ITGA11: variants seen among roughly 807,000 people sequenced by gnomAD.
ITGA11 encodes the protein integrin subunit alpha 11, also known as integrin alpha-11.
ITGA11 carries 97 observed loss-of-function variants against 141.9 expected under a neutral mutation model. The observed-to-expected ratio is 0.68, with a 90% confidence interval of 0.58 to 0.81. The LOEUF (loss-of-function observed/expected upper bound fraction) is 0.81. ITGA11 is among the 30% of genes least tolerant of loss of function. The probability of loss-of-function intolerance (pLI) is 0.00; values close to 1 mark genes in which losing one functional copy is unlikely to be tolerated. For missense variants in ITGA11, 1,387 were observed against 1,559.2 expected, an observed-to-expected ratio of 0.89 and a Z score of 1.86; for synonymous variants, 658 against 624.6, an observed-to-expected ratio of 1.05 and a Z score of -0.80.
intron 26 of ITGA11, among the ~76,000 whole-genome samples, chr15:68,310,180 T>A (rs1358223289): frequency 6.6e-6 from 1 of 152,216 alleles, no homozygotes; most frequent in Non-Finnish European, 1.5e-5. Context: ...AGGTCTTAGT[T>A]AGAGTAATAC....
chr15:68,397,782 T>G lies in ITGA11; in HGVS notation c.164+5136A>C, dbSNP rs910039053. Among the ~76,000 whole-genome samples the G allele has an allele frequency of 4.4e-3, 501 of 114,034 alleles. 36 individuals carry two copies. Among genetic ancestry groups the G allele is most frequent in the African/African-American group, 0.018 (489 of 26,586 alleles). The allele number at this position is 114,034 out of a possible 152,430, so 74.8% of individuals were successfully genotyped here. Reference sequence around the variant, plus strand: ...TTAAAATATTATATTTAAAATATATTTAAAATAATATAAAATTATTAATAA... The same window carrying G: ...TTAAAATATTATATTTAAAATATATGTAAAATAATATAAAATTATTAATAA... On this transcript the variant is annotated intron_variant, in intron 2 of 29. Coordinates refer to ENST00000315757, the MANE Select transcript of ITGA11 (RefSeq NM_001004439.2).
At chr15:68,401,824 T>C (rs1896518288) in intron 2 of ITGA11, among the ~76,000 whole-genome samples, 1 of 152,166 alleles carries the variant, frequency 6.6e-6, no homozygotes, top group African/African-American at 2.4e-5. Context: ...GCCTATACTT[T>C]GTTGTATGTA....
Position 68,357,303 on chromosome 15 carries a change from C to T in ITGA11, c.601-4G>A. 1 of 1,610,442 alleles carries T rather than the reference C, an allele frequency of 6.2e-7. No individual in the cohort carries two copies. The highest frequency in any genetic ancestry group is 8.5e-7 in the Non-Finnish European group (1 of 1,178,678). On this transcript the variant is annotated splice_region_variant and splice_polypyrimidine_tract_variant and intron_variant, in intron 6 of 29. Coordinates refer to ENST00000315757, the MANE Select transcript of ITGA11 (RefSeq NM_001004439.2). ...CGCCATACTGCACAACTCCAACCTG[C>T]AAGGGAGAGGAGAGGGCAACAGAAC...
intron 1 of ITGA11, among the ~76,000 whole-genome samples, chr15:68,424,365 C>T (rs74022222): frequency 0.041 from 6,228 of 152,118 alleles, 432 homozygotes; most frequent in African/African-American, 0.14. Context: ...AAGTCATTTT[C>T]CTTCCCTGGA....
At chr15:68,358,142 C>T (rs1377080717) in intron 6 of ITGA11, among the ~76,000 whole-genome samples, 2 of 152,190 alleles carry the variant, frequency 1.3e-5, no homozygotes, top group Non-Finnish European at 2.9e-5. Flanking sequence ...TCCCCTGTGC[C>T]CCACTCGACA....
At position 68,351,126 on chromosome 15, in the gene ITGA11, T is replaced by C; in HGVS notation, c.894+132A>G. 3 of 946,560 alleles carry C rather than the reference T, an allele frequency of 3.2e-6. No individual in the cohort carries two copies. The South Asian group carries it at 5.2e-5, about 16-fold the overall frequency. 58.6% of individuals were successfully genotyped at this position (946,560 alleles called of 1,614,324 possible). ...GATCCTCAACTTGTTGTTCAGAAGA[T>C]GAAATGGGAGGCTTTTTTGAGGGCC... On this transcript the variant is annotated intron_variant, in intron 8 of 29. Coordinates refer to ENST00000315757, the MANE Select transcript of ITGA11 (RefSeq NM_001004439.2).
chr15:68,331,163 G>T, intron 14 of ITGA11, 52 bp from the exon 15 acceptor site: 1 of 1,508,908 alleles, frequency 6.6e-7, no homozygotes, highest in South Asian at 1.2e-5. Flanking sequence ...GAGTGTGGGG[G>T]CGGGCGTCCC....
At chr15:68,354,582 C>T (rs574304260) in intron 7 of ITGA11, among the ~76,000 whole-genome samples, 3 of 152,348 alleles carry the variant, frequency 2.0e-5, no homozygotes, top group African/African-American at 7.2e-5. Flanking sequence ...TTTCCCTCTC[C>T]TCTGCTGTTC....
chr15:68,318,420 T>C (rs925764104), intron 20 of ITGA11, among the ~76,000 whole-genome samples: 1 of 152,150 alleles, frequency 6.6e-6, no homozygotes, highest in Non-Finnish European at 1.5e-5. Context: ...TCCGTATACC[T>C]GAAATCCAGA....
chr15:68,307,749 G>GCTGCCCCCT lies in ITGA11; in HGVS notation c.3175-54_3175-53insAGGGGGCAG. 1 of 1,270,394 alleles carries GCTGCCCCCT rather than the reference G, an allele frequency of 7.9e-7. No homozygotes were observed. The highest frequency in any genetic ancestry group is 1.1e-6 in the Non-Finnish European group (1 of 876,622). 78.7% of individuals were successfully genotyped at this position (1,270,394 alleles called of 1,614,324 possible). The stretch of plus-strand genomic sequence containing the variant: ...GAGCTGCTGGGCTAGGGGAGCAGGG[G>GCTGCCCCCT]GCAGCAACACTGCTTGAACGACTGG... On this transcript the variant is annotated intron_variant, in intron 26 of 29. Coordinates refer to ENST00000315757, the MANE Select transcript of ITGA11 (RefSeq NM_001004439.2). This position sits in a 1 kb window ranked among gnomAD's most constrained non-coding sequence, Gnocchi z 6.1.
In ITGA11 at chr15:68,326,605, G is replaced by C; in HGVS notation, c.2211+49C>G. 6.5e-7 allele frequency: 1 copy of C among 1,530,170 alleles called. No homozygotes were observed. Among genetic ancestry groups the C allele is most frequent in the Non-Finnish European group, 8.8e-7 (1 of 1,133,980 alleles). The allele number at this position is 1,530,170 out of a possible 1,614,324, so 94.8% of individuals were successfully genotyped here. ...ACTCTCTGCCTCTCCCACGGCAGAT[G>C]CTCCTTCCTATAGGAGCTTGGGCTC... On this transcript the variant is annotated intron_variant, in intron 17 of 29. Transcript: ENST00000315757. This position sits in a 1 kb window ranked among gnomAD's most constrained non-coding sequence, Gnocchi z 6.8.
intron 3 of ITGA11, 84 bp downstream of exon 3, chr15:68,369,100 C>A (rs1309268433): frequency 2.2e-6 from 2 of 928,326 alleles, no homozygotes; most frequent in Non-Finnish European, 3.5e-6. Flanking sequence ...GTCAGTGTGA[C>A]CATGGACATG....
intron 24 of ITGA11, 94 bp from the exon 25 acceptor site, chr15:68,311,497 T>C (rs1340369208): frequency 1.2e-6 from 1 of 818,324 alleles, no homozygotes; most frequent in Middle Eastern, 3.3e-4. Flanking sequence ...GGGTGGCAAT[T>C]CCCCCATCAG....
chr15:68,366,457 G>C (rs974561722), intron 3 of ITGA11, among the ~76,000 whole-genome samples: 11 of 152,152 alleles, frequency 7.2e-5, no homozygotes, highest in Non-Finnish European at 1.6e-4. Flanking sequence ...GTGGGAACTA[G>C]AGGGGCGGCT....
chr15:68,317,248 T>C lies in ITGA11; in HGVS notation c.2715+17A>G. ...GTGCCCACCCTGACCCTCCCCCACATTGTCCCCAGTCTCAACCTTGGCCTT... is the reference window on the plus strand; with the variant it reads ...GTGCCCACCCTGACCCTCCCCCACACTGTCCCCAGTCTCAACCTTGGCCTT... On this transcript the variant is annotated intron_variant, in intron 21 of 29. Coordinates refer to ENST00000315757, the MANE Select transcript of ITGA11 (RefSeq NM_001004439.2). 1 of 1,061,112 alleles carries C rather than the reference T, an allele frequency of 9.4e-7. No homozygotes were observed. Among genetic ancestry groups the C allele is most frequent in the Non-Finnish European group, 1.4e-6 (1 of 719,086 alleles). 65.7% of individuals were successfully genotyped at this position (1,061,112 alleles called of 1,614,324 possible).
rs898588 is a variant in ITGA11 at position 68,325,439 on chromosome 15, C to T, written c.2212-198G>A. ...GAAGAGTGTGCTTCTGTGAAAGGAG[C>T]TCCAAGCTCAGCTCATGCCAACCTA... On this transcript the variant is annotated intron_variant, in intron 17 of 29. Transcript: ENST00000315757. The surrounding 1 kb of genome is among the most constrained non-coding windows in gnomAD (Gnocchi z 5.5). 6.6e-6 allele frequency among the ~76,000 whole-genome samples: 1 copy of T among 152,142 alleles called. No individual in the cohort carries two copies. Among genetic ancestry groups the T allele is most frequent in the Admixed American group, 6.5e-5 (1 of 15,290 alleles).
chr15:68,386,475 C>T (rs1001313353), intron 2 of ITGA11, among the ~76,000 whole-genome samples: 2 of 152,162 alleles, frequency 1.3e-5, no homozygotes, highest in South Asian at 2.1e-4. Context: ...GGGAAGGCTG[C>T]CCAGGACCCT....
chr15:68,297,433 T>C lies in ITGA11; in HGVS notation c.*5626A>G, dbSNP rs77534525. On this transcript the variant is annotated 3_prime_UTR_variant, in exon 30 of 30. Coordinates refer to ENST00000315757, the MANE Select transcript of ITGA11 (RefSeq NM_001004439.2). ...TCTGTACAGTTCTGCACTTCTGAGC[T>C]TTTTTTTTTTTTTTTTTTTTATCCA... is the stretch of plus-strand genomic sequence containing the variant. 6 of 50,640 alleles carry C rather than the reference T, an allele frequency of 1.2e-4. No individual in the cohort carries two copies. The highest frequency in any genetic ancestry group is 6.8e-4 in the Admixed American group (3 of 4,388). 3.1% of individuals were successfully genotyped at this position (50,640 alleles called of 1,614,324 possible). A position where few individuals can be genotyped will look rare whatever the true frequency, so the allele number is the denominator to read the frequency against.
Position 68,333,609 on chromosome 15 carries a change from C to T in ITGA11, c.1426-1131G>A, listed in dbSNP as rs1894248523. Reference sequence around the variant, plus strand: ...CCCGTAAACCTGCCAGCAAGTGCTACGTGGTGGGTGCCAATTCACCAACTG... The same window carrying T: ...CCCGTAAACCTGCCAGCAAGTGCTATGTGGTGGGTGCCAATTCACCAACTG... On this transcript the variant is annotated intron_variant, in intron 12 of 29. Transcript: ENST00000315757. The surrounding 1 kb of genome is among the most constrained non-coding windows in gnomAD (Gnocchi z 4.2). Among the ~76,000 whole-genome samples, 1 of 152,184 alleles carries T rather than the reference C, an allele frequency of 6.6e-6. No homozygotes were observed. Among genetic ancestry groups the T allele is most frequent in the African/African-American group, 2.4e-5 (1 of 41,444 alleles).
Sources: allele counts gnomAD v4.1 joint callset (sites outside exome capture counted in the v4.1 genomes callset), GRCh38; gene constraint gnomAD v4.1.1; non-coding constraint Gnocchi (gnomAD v3.1); transcripts MANE v1.5; gene names NCBI Gene and HGNC (gene_info 2026-07-23, HGNC 2026-07-21).